Variants in DOP1B observed in about 807,000 individuals in gnomAD.
DOP1B encodes the protein protein DOP1B.
DOP1B carries 174 observed loss-of-function variants against 233.5 expected under a neutral mutation model. That is an observed-to-expected ratio of 0.75 (90% CI 0.66 to 0.85). The LOEUF is 0.85. DOP1B is among the 40% of genes least tolerant of loss of function. The probability of loss-of-function intolerance (pLI) is 0.00; values close to 1 mark genes in which losing one functional copy is unlikely to be tolerated. For missense variants in DOP1B, 2,652 were observed against 2,846.6 expected, an observed-to-expected ratio of 0.93 and a Z score of 1.56; for synonymous variants, 1,190 against 1,185.6, an observed-to-expected ratio of 1.00 and a Z score of -0.08.
intron 31 of DOP1B, among the ~76,000 whole-genome samples, chr21:36,280,569 AT>A (rs2067404140): frequency 6.6e-6 from 1 of 152,192 alleles, no homozygotes; most frequent in African/African-American, 2.4e-5. Flanking sequence ...TCATAGTTTT[AT>A]AGTGGAGAAA....
rs539463665 is a variant in DOP1B at position 36,166,777 on chromosome 21, A to G, written c.138+1906A>G. Among the ~76,000 whole-genome samples, 12 of 152,288 alleles carry G rather than the reference A, an allele frequency of 7.9e-5. No homozygotes were observed. In the East Asian group the frequency reaches 2.1e-3, roughly 27 times the overall value. ...ACACCAGGGGAACTGGGGTGAGTGA[A>G]GAATTTCAGCAGCCTGACCCTCCAG... On this transcript the variant is annotated intron_variant, in intron 2 of 36. Transcript: ENST00000691173.
intron 10 of DOP1B, among the ~76,000 whole-genome samples, chr21:36,221,933 G>A (rs566277908): frequency 2.0e-5 from 3 of 152,046 alleles, no homozygotes; most frequent in South Asian, 2.1e-4. Flanking sequence ...GTGCGGTGGC[G>A]CCATCTCGGC....
chr21:36,167,766 T>C (rs1173512090), intron 2 of DOP1B, among the ~76,000 whole-genome samples: 1 of 149,716 alleles, frequency 6.7e-6, no homozygotes, highest in East Asian at 2.0e-4. Flanking sequence ...GGACTTTCCA[T>C]GGAAATGGAA....
intron 2 of DOP1B, among the ~76,000 whole-genome samples, chr21:36,165,864 G>A (rs962205403): frequency 2.6e-5 from 4 of 151,592 alleles, no homozygotes; most frequent in Admixed American, 2.0e-4. Flanking sequence ...TTACAGGCAC[G>A]TGCCACCACA....
At chr21:36,276,879 A>G in intron 27 of DOP1B, 142 bp from the exon 28 acceptor site, 3 of 693,070 alleles carry the variant, frequency 4.3e-6, no homozygotes, top group Non-Finnish European at 2.4e-6. Context: ...GAAAGTTAAC[A>G]GAGAGGAATA....
At chr21:36,237,497 G>T in intron 16 of DOP1B, 83 bp downstream of exon 16, 1 of 1,551,380 alleles carries the variant, frequency 6.4e-7, no homozygotes, top group East Asian at 2.3e-5. Context: ...CATCCATTCG[G>T]TCGAAGTCTT....
At chr21:36,258,038 T>C (rs1569056109) in intron 23 of DOP1B, among the ~76,000 whole-genome samples, 1 of 147,296 alleles carries the variant, frequency 6.8e-6, no homozygotes, top group African/African-American at 2.5e-5. Context: ...TGTAGTTAGA[T>C]GTAGGTAGGT....
intron 4 of DOP1B, among the ~76,000 whole-genome samples, chr21:36,201,053 C>A (rs917728989): frequency 2.7e-4 from 41 of 152,098 alleles, no homozygotes; most frequent in African/African-American, 9.9e-4. Context: ...ATAAGGGAGA[C>A]CATAGTGCAG....
intron 18 of DOP1B, 149 bp from the exon 19 acceptor site, chr21:36,244,899 T>C: frequency 2.7e-6 from 2 of 743,416 alleles, no homozygotes; most frequent in Non-Finnish European, 4.2e-6. Flanking sequence ...TTGTCTGTAA[T>C]GTAAACCGGA....
At chr21:36,268,451 A>G (rs1321598054) in intron 26 of DOP1B, among the ~76,000 whole-genome samples, 1 of 152,146 alleles carries the variant, frequency 6.6e-6, no homozygotes, top group Non-Finnish European at 1.5e-5. Context: ...CACTGGTTTC[A>G]TATTGTTCAA....
chr21:36,227,186 T>G (rs191878804), intron 12 of DOP1B, among the ~76,000 whole-genome samples: 1 of 138,256 alleles, frequency 7.2e-6, no homozygotes, highest in Non-Finnish European at 1.6e-5. Flanking sequence ...CCAGCCTGGG[T>G]GACAGAGTGA....
At chr21:36,260,854 T>C in intron 24 of DOP1B, 122 bp downstream of exon 24, 1 of 1,530,340 alleles carries the variant, frequency 6.5e-7, no homozygotes, top group Non-Finnish European at 8.7e-7. Flanking sequence ...AGAAAATATC[T>C]TAAAGTTGTC....
At chr21:36,225,415 G>A (rs2066670708) in intron 11 of DOP1B, 150 bp from the exon 12 acceptor site, 4 of 786,736 alleles carry the variant, frequency 5.1e-6, no homozygotes, top group South Asian at 1.8e-5. Context: ...TACTTTAGTA[G>A]AGATGGGGTT....
chr21:36,274,739 G>A (rs1180044661), intron 27 of DOP1B, among the ~76,000 whole-genome samples: 1 of 152,082 alleles, frequency 6.6e-6, no homozygotes. Context: ...GAAGAGGATG[G>A]GAATGGAGCA....
chr21:36,261,551 A>G lies in DOP1B; in HGVS notation c.5315+819A>G, dbSNP rs1003365061. On this transcript the variant is annotated intron_variant, in intron 24 of 36. Coordinates refer to ENST00000691173, the MANE Select transcript of DOP1B (RefSeq NM_001320714.2). ...TCCCCATGGATGAAAAAGAAGCTTTACTGGACCTCATTCAGATCTTACAAT... is the reference window on the plus strand; with the variant it reads ...TCCCCATGGATGAAAAAGAAGCTTTGCTGGACCTCATTCAGATCTTACAAT... 9 of 985,286 alleles carry G rather than the reference A, an allele frequency of 9.1e-6. No homozygotes were observed. In the African/African-American group the frequency reaches 1.4e-4, roughly 15 times the overall value. The allele number at this position is 985,286 out of a possible 1,614,324, so 61.0% of individuals were successfully genotyped here.
chr21:36,161,754 G>T (rs1251011864), intron 1 of DOP1B, among the ~76,000 whole-genome samples: 1 of 152,106 alleles, frequency 6.6e-6, no homozygotes, highest in Non-Finnish European at 1.5e-5. Flanking sequence ...CGTGCCCAGT[G>T]GCCATTACTC....
chr21:36,210,066 CTCTT>C (rs1345511173), intron 5 of DOP1B, among the ~76,000 whole-genome samples: 1 of 152,094 alleles, frequency 6.6e-6, no homozygotes, highest in East Asian at 1.9e-4. Flanking sequence ...TCCCCTTTGT[CTCTT>C]TCTCTCCATC....
chr21:36,257,663 GAT>G (rs2067118418), intron 23 of DOP1B, among the ~76,000 whole-genome samples: 1 of 103,728 alleles, frequency 9.6e-6, no homozygotes, highest in Non-Finnish European at 2.0e-5. Flanking sequence ...TAAATAGATA[GAT>G]GTAGGTAGGT....
chr21:36,239,921 C>T lies in DOP1B; in HGVS notation c.3033C>T (p.Thr1011=), dbSNP rs1206800527. Residue 1011 remains threonine, a synonymous_variant, in exon 18 of 37, where the codon ACC becomes ACT. Coordinates refer to ENST00000691173, the MANE Select transcript of DOP1B (RefSeq NM_001320714.2). Reference sequence around the variant, plus strand: ...TGCTGCAGCCAAAAACCCAGAGAACCTCCATCCACTGCCTCAAGCAGGAGA... The same window carrying T: ...TGCTGCAGCCAAAAACCCAGAGAACTTCCATCCACTGCCTCAAGCAGGAGA... ...LLLLQPKTQR[T]SIHCLKQENS... is the part of the protein sequence containing the mutation. 4 of 1,610,536 alleles carry T rather than the reference C, an allele frequency of 2.5e-6. No homozygotes were observed. Among genetic ancestry groups the T allele is most frequent in the East Asian group, 2.2e-5 (1 of 44,826 alleles).
Sources: allele counts gnomAD v4.1 joint callset (sites outside exome capture counted in the v4.1 genomes callset), GRCh38; gene constraint gnomAD v4.1.1; transcripts MANE v1.5; gene names NCBI Gene and HGNC (gene_info 2026-07-23, HGNC 2026-07-21).